MYT1L: variants seen among roughly 807,000 people sequenced by gnomAD.
The protein encoded by MYT1L is myelin transcription factor 1 like, also known as myelin transcription factor 1-like protein.
In MYT1L, 12 loss-of-function variants were observed where a neutral mutation model predicts 126.7. That is an observed-to-expected ratio of 0.09 (90% confidence interval 0.06 to 0.15). The LOEUF is 0.15. Ranked by LOEUF, MYT1L falls within the 10% of genes least tolerant of loss-of-function variation. The probability of loss-of-function intolerance (pLI) is 1.00; values close to 1 mark genes in which losing one functional copy is unlikely to be tolerated. For synonymous variants in MYT1L, 541 were observed against 604.2 expected (o/e 0.90, Z 1.53); for missense variants, 979 against 1,585.2 (o/e 0.62, Z 6.49).
intron 3 of MYT1L, among the ~76,000 whole-genome samples, chr2:2,167,942 T>C (rs563971906): frequency 1.3e-5 from 2 of 152,222 alleles, no homozygotes; most frequent in Non-Finnish European, 2.9e-5. Context: ...TATAAATGCA[T>C]AGGTTGTGTG....
At chr2:1,919,327 A>G (rs1480811881) in intron 10 of MYT1L, among the ~76,000 whole-genome samples, 9 of 152,124 alleles carry the variant, frequency 5.9e-5, no homozygotes, top group African/African-American at 1.2e-4. Context: ...TTCTCTTGCA[A>G]TCTCAAAAGC....
At chr2:1,892,779 C>T (rs1187512266) in intron 14 of MYT1L, among the ~76,000 whole-genome samples, 2 of 152,164 alleles carry the variant, frequency 1.3e-5, no homozygotes, top group East Asian at 1.9e-4. Flanking sequence ...CCTTATCTGT[C>T]AAGAGGTGGG....
At chr2:2,273,688 C>T (rs1224147597) in intron 2 of MYT1L, among the ~76,000 whole-genome samples, 1 of 152,178 alleles carries the variant, frequency 6.6e-6, no homozygotes, top group South Asian at 2.1e-4. Context: ...AGAGTGGCTG[C>T]AGCAGCGGGA....
chr2:2,242,642 C>T (rs1185220378), intron 2 of MYT1L, among the ~76,000 whole-genome samples: 1 of 152,142 alleles, frequency 6.6e-6, no homozygotes, highest in Non-Finnish European at 1.5e-5. Context: ...AGGCAGGGTC[C>T]CCAATCCCAT....
At chr2:2,195,792 T>C (rs1261462096) in intron 2 of MYT1L, among the ~76,000 whole-genome samples, 4 of 152,104 alleles carry the variant, frequency 2.6e-5, no homozygotes, top group Non-Finnish European at 1.5e-5. Flanking sequence ...CAACAGAATA[T>C]GACAGGCCAA....
intron 18 of MYT1L, among the ~76,000 whole-genome samples, chr2:1,874,624 C>T (rs1374911566): frequency 2.6e-5 from 4 of 152,206 alleles, no homozygotes; most frequent in Admixed American, 6.5e-5. Flanking sequence ...CCTGCTCCCC[C>T]GTCTGAGGCC....
At chr2:1,941,420 C>T (rs1257979832) in intron 9 of MYT1L, among the ~76,000 whole-genome samples, 2 of 152,192 alleles carry the variant, frequency 1.3e-5, no homozygotes, top group Non-Finnish European at 2.9e-5. Flanking sequence ...CTCAAAATGA[C>T]ACTCACTTAA....
chr2:2,231,437 T>G (rs947589496), intron 2 of MYT1L, among the ~76,000 whole-genome samples: 9 of 152,192 alleles, frequency 5.9e-5, no homozygotes, highest in Non-Finnish European at 1.3e-4. Context: ...TGTTTATTTT[T>G]TTAATTTTTT....
At chr2:2,083,687 A>G (rs1490298763) in intron 3 of MYT1L, among the ~76,000 whole-genome samples, 2 of 152,258 alleles carry the variant, frequency 1.3e-5, no homozygotes, top group Non-Finnish European at 2.9e-5. Context: ...TTAGAACAGA[A>G]AAAAGAATCA....
At chr2:1,829,769 C>T (rs561790366) in intron 21 of MYT1L, among the ~76,000 whole-genome samples, 1 of 138,364 alleles carries the variant, frequency 7.2e-6, no homozygotes, top group South Asian at 2.4e-4. Flanking sequence ...TCCCATACAC[C>T]TGTGAATTGA....
intron 14 of MYT1L, among the ~76,000 whole-genome samples, chr2:1,893,041 C>T (rs1172950229): frequency 6.6e-6 from 1 of 152,206 alleles, no homozygotes; most frequent in Non-Finnish European, 1.5e-5. Context: ...ACGTGTGCAG[C>T]TGCCTCTTTC....
At chr2:2,182,413 A>C (rs912404130) in intron 2 of MYT1L, among the ~76,000 whole-genome samples, 1 of 152,168 alleles carries the variant, frequency 6.6e-6, no homozygotes, top group East Asian at 1.9e-4. Context: ...GATTAAAAAG[A>C]TATTAATTTT....
chr2:2,073,012 G>C (rs796265325), intron 3 of MYT1L, among the ~76,000 whole-genome samples: 24 of 152,260 alleles, frequency 1.6e-4, no homozygotes, highest in African/African-American at 5.8e-4. Context: ...TTTGTAGACA[G>C]TGTCTTCACA....
chr2:1,995,674 G>A (rs1169464213), intron 5 of MYT1L, among the ~76,000 whole-genome samples: 2 of 152,164 alleles, frequency 1.3e-5, no homozygotes, highest in Non-Finnish European at 2.9e-5. Flanking sequence ...GTGTGGGTTC[G>A]AAGCACAGAC....
chr2:2,142,756 G>A (rs986372263), intron 3 of MYT1L, among the ~76,000 whole-genome samples: 3 of 151,738 alleles, frequency 2.0e-5, no homozygotes, highest in Non-Finnish European at 2.9e-5. Flanking sequence ...GCATGATCTC[G>A]GCTCACTGCA....
chr2:1,796,031 G>A (rs1430630361), intron 23 of MYT1L, among the ~76,000 whole-genome samples: 5 of 152,044 alleles, frequency 3.3e-5, no homozygotes, highest in African/African-American at 1.2e-4. Context: ...TTTTTTAGTG[G>A]TAAGAAAAAA....
At chr2:1,881,231 T>G (rs2047494738) in intron 18 of MYT1L, among the ~76,000 whole-genome samples, 1 of 152,154 alleles carries the variant, frequency 6.6e-6, no homozygotes, top group Non-Finnish European at 1.5e-5. Context: ...CTCCTGCTGC[T>G]GGGCTCGCCC....
intron 3 of MYT1L, among the ~76,000 whole-genome samples, chr2:2,136,040 A>G (rs1215579114): frequency 6.6e-6 from 1 of 152,232 alleles, no homozygotes; most frequent in East Asian, 1.9e-4. Context: ...AATACTATGC[A>G]GCCATAAAAG....
At chr2:2,089,883 T>C (rs1305057844) in intron 3 of MYT1L, among the ~76,000 whole-genome samples, 1 of 152,150 alleles carries the variant, frequency 6.6e-6, no homozygotes, top group Non-Finnish European at 1.5e-5. Context: ...GCAGTGAAAA[T>C]ATGTCATAAC....
Sources: allele counts gnomAD v4.1 joint callset (sites outside exome capture counted in the v4.1 genomes callset), GRCh38; gene constraint gnomAD v4.1.1; transcripts MANE v1.5; gene names NCBI Gene and HGNC (gene_info 2026-07-23, HGNC 2026-07-21).